The following P2RY14 variants were observed in gnomAD, a reference collection of about 807,000 sequenced individuals.
The protein encoded by P2RY14 is P2Y purinoceptor 14.
A neutral mutation model predicts 0.9 loss-of-function variants in P2RY14; 2 were observed. The observed-to-expected ratio is 2.16, with a 90% CI of 0.88 to 6.79. P2RY14 has a LOEUF of 6.79. Among genes scored for constraint, P2RY14 ranks in the 30% most tolerant of loss-of-function variants. P2RY14 has a pLI of 0.05. For synonymous variants in P2RY14, 158 were observed against 147.2 expected, an observed-to-expected ratio of 1.07 and a Z score of -0.53; for missense variants, 378 against 400.1, an observed-to-expected ratio of 0.94 and a Z score of 0.47.
chr3:151,213,603 G>T lies in P2RY14; in HGVS notation c.714C>A (p.Ile238=). The change falls in exon 3 of 3, where the codon ATC becomes ATA. Residue 238 remains isoleucine, a synonymous_variant. Coordinates refer to ENST00000309170, the MANE Select transcript of P2RY14 (RefSeq NM_014879.4). ...KKKSSRNIFS[I]VFVFFVCFVP... Reference sequence around the variant, plus strand: ...CAAAACAGACAAAAAACACAAACACGATGCTGAATATGTTGCGGCTAGATT... The same window carrying T: ...CAAAACAGACAAAAAACACAAACACTATGCTGAATATGTTGCGGCTAGATT... The T allele has an allele frequency of 6.2e-7, 1 of 1,614,138 alleles. No individual in the cohort carries two copies. The highest frequency in any genetic ancestry group is 1.1e-5 in the South Asian group (1 of 91,090).
chr3:151,214,046 C>T lies in P2RY14; in HGVS notation c.271G>A (p.Val91Met), dbSNP rs770314422. ...ACGGCAGAGACCCTGCACACAAACA[C>T]GTTCAGCTGCCAGGGACCAAGGCCT... ...DSGLGPWQLN[V>M]FVCRVSAVLF... The change falls in exon 3 of 3, where the codon GTG (valine) becomes ATG (methionine). Residue 91 changes from valine to methionine, a missense_variant. By Grantham distance (21) the Val-to-Met change is conservative. Transcript: ENST00000309170. 32 of 1,614,020 alleles carry T rather than the reference C, an allele frequency of 2.0e-5. No homozygotes were observed. Among genetic ancestry groups the T allele is most frequent in the South Asian group, 1.6e-4 (15 of 91,088 alleles).
intron 1 of P2RY14, among the ~76,000 whole-genome samples, chr3:151,246,474 A>G (rs1735508788): frequency 6.6e-6 from 1 of 152,158 alleles, no homozygotes; most frequent in Admixed American, 6.6e-5. Context: ...CCGCATATCT[A>G]CAACTCTCTG....
At chr3:151,263,955 G>C (rs1381723433) in intron 1 of P2RY14, among the ~76,000 whole-genome samples, 1 of 152,200 alleles carries the variant, frequency 6.6e-6, no homozygotes, top group Non-Finnish European at 1.5e-5. Context: ...AGATAACGAT[G>C]GACAGAGGCT....
At chr3:151,265,751 G>T (rs972897469) in intron 1 of P2RY14, among the ~76,000 whole-genome samples, 8 of 152,118 alleles carry the variant, frequency 5.3e-5, no homozygotes, top group Non-Finnish European at 1.0e-4. Context: ...CTCACCAAGA[G>T]TATAGTATTT....
chr3:151,238,125 G>A lies in P2RY14; in HGVS notation c.-132-18483C>T, dbSNP rs566035605. Among the ~76,000 whole-genome samples, 477 of 145,974 alleles carry A rather than the reference G, an allele frequency of 3.3e-3. 4 individuals carry two copies. The highest frequency in any genetic ancestry group is 0.012 in the African/African-American group (462 of 39,156). On this transcript the variant is annotated intron_variant, in intron 1 of 2. Transcript: ENST00000309170. The stretch of plus-strand genomic sequence containing the variant: ...TTTCTGTCCTAAAGTTTAGAACAGT[G>A]CACATTTTTTCTTTTTTCTTTTTCT...
chr3:151,271,695 A>G (rs1054973040), intron 1 of P2RY14, among the ~76,000 whole-genome samples: 1 of 152,238 alleles, frequency 6.6e-6, no homozygotes, highest in Admixed American at 6.5e-5. Flanking sequence ...GGCCCACAAT[A>G]TAGGTAAATC....
At chr3:151,254,331 G>A (rs1559943844) in intron 1 of P2RY14, among the ~76,000 whole-genome samples, 1 of 152,132 alleles carries the variant, frequency 6.6e-6, no homozygotes, top group Admixed American at 6.5e-5. Flanking sequence ...CGTAACTAGA[G>A]CTATATGAGT....
chr3:151,238,838 A>G (rs190247732), intron 1 of P2RY14, among the ~76,000 whole-genome samples: 20 of 152,362 alleles, frequency 1.3e-4, no homozygotes, highest in Admixed American at 9.2e-4. Context: ...ATGATTGTCT[A>G]GAGGAATGAA....
intron 1 of P2RY14, among the ~76,000 whole-genome samples, chr3:151,223,952 A>C (rs1729942830): frequency 6.6e-6 from 1 of 152,240 alleles, no homozygotes; most frequent in South Asian, 2.1e-4. Context: ...GGAGCTTATA[A>C]GTGGTAGGGT....
intron 1 of P2RY14, among the ~76,000 whole-genome samples, chr3:151,275,061 G>A (rs569349800): frequency 1.8e-4 from 27 of 152,282 alleles, no homozygotes; most frequent in South Asian, 1.5e-3. Context: ...CAACAGGTGA[G>A]TTCTTTCCAG....
At chr3:151,243,339 G>A (rs1577090710) in intron 1 of P2RY14, among the ~76,000 whole-genome samples, 1 of 150,754 alleles carries the variant, frequency 6.6e-6, no homozygotes, top group South Asian at 2.1e-4. Flanking sequence ...TTGAAATGAA[G>A]GAAAAAATGT....
At chr3:151,266,260 A>ATT (rs1739815630) in intron 1 of P2RY14, among the ~76,000 whole-genome samples, 1 of 152,222 alleles carries the variant, frequency 6.6e-6, no homozygotes, top group Non-Finnish European at 1.5e-5. Flanking sequence ...GGTATTCAAC[A>ATT]TCTTCTATTA....
chr3:151,244,607 C>T (rs1464775719), intron 1 of P2RY14, among the ~76,000 whole-genome samples: 1 of 151,164 alleles, frequency 6.6e-6, no homozygotes, highest in African/African-American at 2.4e-5. Flanking sequence ...CTCTGGGACG[C>T]ATTCAAAGCA....
At chr3:151,247,543 A>C (rs28537149) in intron 1 of P2RY14, among the ~76,000 whole-genome samples, 1 of 145,248 alleles carries the variant, frequency 6.9e-6, no homozygotes, top group African/African-American at 2.6e-5. Flanking sequence ...ATTCTCACTC[A>C]TAGGTGGGAA....
intron 1 of P2RY14, among the ~76,000 whole-genome samples, chr3:151,267,788 G>T (rs776584399): frequency 6.6e-6 from 1 of 152,016 alleles, no homozygotes; most frequent in Non-Finnish European, 1.5e-5. Context: ...AGGCACTAAG[G>T]CAGAGTAATA....
intron 1 of P2RY14, among the ~76,000 whole-genome samples, chr3:151,229,812 C>A (rs1731273135): frequency 1.3e-5 from 2 of 152,156 alleles, no homozygotes; most frequent in South Asian, 4.1e-4. Context: ...CTAGAGCATG[C>A]AACAATGGAG....
chr3:151,257,357 A>G (rs559256646), intron 1 of P2RY14, among the ~76,000 whole-genome samples: 1 of 152,280 alleles, frequency 6.6e-6, no homozygotes, highest in African/African-American at 2.4e-5. Context: ...GTTTTTTTAA[A>G]TTGTTTATGT....
intron 1 of P2RY14, among the ~76,000 whole-genome samples, chr3:151,247,594 A>G (rs1268197639): frequency 4.4e-5 from 5 of 113,780 alleles, no homozygotes; most frequent in East Asian, 3.3e-4. Flanking sequence ...GGGGAATATC[A>G]CACTCCGGGG....
Position 151,245,613 on chromosome 3 carries a change from T to A in P2RY14, c.-132-25971A>T, listed in dbSNP as rs1472478582. 2.7e-5 allele frequency among the ~76,000 whole-genome samples: 4 copies of A among 150,372 alleles called. No homozygotes were observed. The East Asian group carries it at 7.8e-4, about 29-fold the overall frequency. ...CTCAATAAATTAGGTATTGATGGGA[T>A]GTATTTCAAAATAATAAGAGCTATC... On this transcript the variant is annotated intron_variant, in intron 1 of 2. Transcript: ENST00000309170.
Sources: gnomAD v4.1 joint callset for allele counts (sites outside exome capture counted in the v4.1 genomes callset) on GRCh38, gnomAD v4.1.1 for gene constraint, MANE v1.5 for transcripts, NCBI Gene and HGNC (gene_info 2026-07-23, HGNC 2026-07-21) for gene names.